Variants in TMEM74 observed in about 807,000 individuals in gnomAD.
TMEM74 encodes the protein transmembrane protein 74.
A neutral mutation model predicts 18.1 loss-of-function variants in TMEM74; 13 were observed. The ratio of observed to expected loss-of-function variants is 0.72; its 90% CI spans 0.47 to 1.14. The LOEUF (loss-of-function observed/expected upper bound fraction) is 1.14. Among genes scored for constraint, TMEM74 ranks in the 50% most tolerant of loss-of-function variants. The probability of loss-of-function intolerance (pLI) is 0.00; values close to 1 mark genes in which losing one functional copy is unlikely to be tolerated. For synonymous variants in TMEM74, 159 were observed against 146.6 expected (o/e 1.08, Z -0.61); for missense variants, 372 against 375.9 (o/e 0.99, Z 0.09).
intron 2 of TMEM74, among the ~76,000 whole-genome samples, chr8:108,654,409 A>G (rs1025368912): frequency 1.3e-5 from 2 of 152,196 alleles, no homozygotes; most frequent in African/African-American, 4.8e-5. Context: ...TTAATATGGA[A>G]AAAGTGCTTT....
At chr8:108,768,218 T>C (rs1368774764) in intron 1 of TMEM74, among the ~76,000 whole-genome samples, 1 of 152,172 alleles carries the variant, frequency 6.6e-6, no homozygotes, top group Non-Finnish European at 1.5e-5. Flanking sequence ...CCTTGGCTAG[T>C]GACTAATAAT....
At chr8:108,682,187 T>C (rs1175706971) in intron 1 of TMEM74, among the ~76,000 whole-genome samples, 1 of 152,146 alleles carries the variant, frequency 6.6e-6, no homozygotes, top group African/African-American at 2.4e-5. Flanking sequence ...TTTCCACTGA[T>C]TAATTTGCTT....
chr8:108,727,670 T>C (rs919504523), intron 1 of TMEM74, among the ~76,000 whole-genome samples: 1 of 152,148 alleles, frequency 6.6e-6, no homozygotes, highest in African/African-American at 2.4e-5. Flanking sequence ...GAGGGAGGTC[T>C]GAACTGGAGA....
At chr8:108,666,333 G>A (rs569893948) in intron 1 of TMEM74, among the ~76,000 whole-genome samples, 7 of 152,254 alleles carry the variant, frequency 4.6e-5, no homozygotes, top group African/African-American at 1.7e-4. Flanking sequence ...CAGTAACTAC[G>A]AGTTGAGTGA....
At chr8:108,724,588 GATTC>G (rs1813615378) in intron 1 of TMEM74, among the ~76,000 whole-genome samples, 1 of 152,094 alleles carries the variant, frequency 6.6e-6, no homozygotes, top group Non-Finnish European at 1.5e-5. Flanking sequence ...AATAAAAAGT[GATTC>G]ATTATTATGT....
intron 1 of TMEM74, among the ~76,000 whole-genome samples, chr8:108,761,061 A>G (rs1488384533): frequency 2.0e-5 from 3 of 151,940 alleles, no homozygotes; most frequent in Non-Finnish European, 4.4e-5. Flanking sequence ...CTATTAAACT[A>G]ATTGAATTTA....
intron 2 of TMEM74, among the ~76,000 whole-genome samples, chr8:108,636,962 T>G (rs558839803): frequency 2.0e-5 from 3 of 152,068 alleles, no homozygotes; most frequent in Non-Finnish European, 4.4e-5. Context: ...CAGCTTCCAG[T>G]AGCTCTCTAC....
At chr8:108,681,496 C>T (rs1169389279) in intron 1 of TMEM74, among the ~76,000 whole-genome samples, 1 of 152,190 alleles carries the variant, frequency 6.6e-6, no homozygotes, top group African/African-American at 2.4e-5. Flanking sequence ...CCCTTCCTTA[C>T]ACCTTATACA....
At chr8:108,624,669 A>G (rs1352474535) in intron 2 of TMEM74, among the ~76,000 whole-genome samples, 1 of 152,024 alleles carries the variant, frequency 6.6e-6, no homozygotes, top group Non-Finnish European at 1.5e-5. Flanking sequence ...CATAACACCT[A>G]TCTACTGAAC....
At chr8:108,768,883 TC>T (rs1394929888) in intron 1 of TMEM74, among the ~76,000 whole-genome samples, 1 of 152,196 alleles carries the variant, frequency 6.6e-6, no homozygotes, top group African/African-American at 2.4e-5. Context: ...CCATGTCTTA[TC>T]CTTAAATTTC....
At chr8:108,691,493 C>G (rs1813230447) in intron 1 of TMEM74, among the ~76,000 whole-genome samples, 1 of 152,202 alleles carries the variant, frequency 6.6e-6, no homozygotes, top group Non-Finnish European at 1.5e-5. Flanking sequence ...TTCGCAATGA[C>G]TTCAGCAGAT....
intron 1 of TMEM74, among the ~76,000 whole-genome samples, chr8:108,656,699 C>T (rs1221782332): frequency 6.6e-6 from 1 of 152,160 alleles, no homozygotes; most frequent in Non-Finnish European, 1.5e-5. Context: ...ATCATAAATT[C>T]AGCTTAGAAT....
At chr8:108,661,935 A>G (rs1812903889) in intron 1 of TMEM74, among the ~76,000 whole-genome samples, 1 of 152,140 alleles carries the variant, frequency 6.6e-6, no homozygotes, top group Non-Finnish European at 1.5e-5. Flanking sequence ...AACAGATGAG[A>G]CTGGTGAAAA....
At chr8:108,751,649 A>G (rs1234321332) in intron 1 of TMEM74, among the ~76,000 whole-genome samples, 1 of 152,100 alleles carries the variant, frequency 6.6e-6, no homozygotes, top group Non-Finnish European at 1.5e-5. Context: ...AAAAACATAA[A>G]CGAGCTAAAT....
intron 1 of TMEM74, among the ~76,000 whole-genome samples, chr8:108,718,280 C>T (rs1436006931): frequency 1.3e-5 from 2 of 151,920 alleles, no homozygotes; most frequent in South Asian, 2.1e-4. Context: ...TTAAAAGGAC[C>T]CCCTGGCTGC....
At chr8:108,693,662 G>A (rs1177003098) in intron 1 of TMEM74, among the ~76,000 whole-genome samples, 1 of 152,216 alleles carries the variant, frequency 6.6e-6, no homozygotes, top group East Asian at 1.9e-4. Context: ...GGTGTGGAAA[G>A]AAATGTTTCT....
chr8:108,637,242 T>C (rs2130558379), intron 2 of TMEM74, among the ~76,000 whole-genome samples: 1 of 152,238 alleles, frequency 6.6e-6, no homozygotes, highest in East Asian at 1.9e-4. Context: ...ACTTTTCCCA[T>C]TTGAAATGTC....
At chr8:108,702,927 TAA>T (rs34327038) in intron 1 of TMEM74, among the ~76,000 whole-genome samples, 8 of 141,662 alleles carry the variant, frequency 5.6e-5, no homozygotes, top group South Asian at 2.3e-4. Flanking sequence ...GGAATTTTGT[TAA>T]AAAAAAAAAA....
chr8:108,743,325 A>G (rs1171955240), intron 1 of TMEM74, among the ~76,000 whole-genome samples: 2 of 152,082 alleles, frequency 1.3e-5, no homozygotes, highest in East Asian at 1.9e-4. Context: ...ATTTAGCTCA[A>G]CTCTCTCTTT....
Sources: gnomAD v4.1 joint callset for allele counts (sites outside exome capture counted in the v4.1 genomes callset) on GRCh38, gnomAD v4.1.1 for gene constraint, MANE v1.5 for transcripts, NCBI Gene and HGNC (gene_info 2026-07-23, HGNC 2026-07-21) for gene names.